DLG2: variants seen among roughly 807,000 people sequenced by gnomAD.
DLG2 encodes the protein disks large homolog 2.
Under a neutral mutation model 132.5 loss-of-function variants are expected in DLG2, and 45 were observed. The ratio of observed to expected loss-of-function variants is 0.34; its 90% CI spans 0.27 to 0.44. The LOEUF (loss-of-function observed/expected upper bound fraction) is 0.44, where lower values mean the gene tolerates loss of function less well. Among genes scored for constraint, DLG2 ranks in the 20% least tolerant of loss-of-function variants. The probability of loss-of-function intolerance (pLI) is 1.00; values close to 1 mark genes in which losing one functional copy is unlikely to be tolerated. For missense variants in DLG2, 1,045 were observed against 1,196.9 expected, an observed-to-expected ratio of 0.87 and a Z score of 1.87; for synonymous variants, 424 against 419.6, an observed-to-expected ratio of 1.01 and a Z score of -0.13.
In DLG2 at chr11:85,459,385, T is replaced by C. The variant is rs183616391; in HGVS notation, c.40+139272A>G. On this transcript the variant is annotated intron_variant, in intron 3 of 27. Coordinates refer to ENST00000376104, the MANE Select transcript of DLG2 (RefSeq NM_001142699.3). ...TTCTCTCCATATGGTGACTGTGGTG[T>C]ATTGGAAGCTCAGGTGAAGCCCTCA... 1.9e-3 allele frequency among the ~76,000 whole-genome samples: 288 copies of C among 152,092 alleles called. 1 individual carries two copies. The highest frequency in any genetic ancestry group is 2.7e-3 in the Non-Finnish European group (185 of 67,980).
chr11:83,796,161 G>GAGTGGATT (rs964201352), intron 17 of DLG2, among the ~76,000 whole-genome samples: 2 of 152,218 alleles, frequency 1.3e-5, no homozygotes, highest in African/African-American at 4.8e-5. Context: ...GTGAGTGGAT[G>GAGTGGATT]AGTGAATAAT....
intron 6 of DLG2, among the ~76,000 whole-genome samples, chr11:84,703,420 A>C: frequency 6.6e-6 from 1 of 151,490 alleles, no homozygotes; most frequent in East Asian, 2.0e-4. Context: ...GAAGATGATG[A>C]TTTCTACCAA....
At chr11:83,590,854 T>G (rs889953433) in intron 19 of DLG2, among the ~76,000 whole-genome samples, 9 of 151,956 alleles carry the variant, frequency 5.9e-5, no homozygotes, top group African/African-American at 2.2e-4. Flanking sequence ...CAGAGAATAC[T>G]ACAAACACCT....
intron 14 of DLG2, among the ~76,000 whole-genome samples, chr11:83,945,993 CTTTTTTT>C (rs765410972): frequency 2.8e-5 from 2 of 71,976 alleles, no homozygotes; most frequent in East Asian, 1.2e-3. Flanking sequence ...CTCTCTCTCT[CTTTTTTT>C]TTTTTTTTTG....
In DLG2 at chr11:85,555,288, TGGTTTCAC is replaced by T. The variant is rs2076878904; in HGVS notation, c.40+43361_40+43368del. ...CTCCAGAAAAAACATCATGCACACA[TGGTTTCAC>T]AAAAACTTTTACTGCACCTTCAGAC... On this transcript the variant is annotated intron_variant, in intron 3 of 27. Coordinates refer to ENST00000376104, the MANE Select transcript of DLG2 (RefSeq NM_001142699.3). Among the ~76,000 whole-genome samples, 3 of 151,668 alleles carry T rather than the reference TGGTTTCAC, an allele frequency of 2.0e-5. No individual in the cohort carries two copies. The South Asian group carries it at 6.2e-4, about 31-fold the overall frequency.
intron 15 of DLG2, among the ~76,000 whole-genome samples, chr11:83,898,606 T>C (rs1253268936): frequency 6.6e-6 from 1 of 152,164 alleles, no homozygotes; most frequent in East Asian, 1.9e-4. Flanking sequence ...TGAGATATTA[T>C]TTAAAAAATA....
intron 6 of DLG2, among the ~76,000 whole-genome samples, chr11:84,617,900 T>C (rs930374806): frequency 6.6e-6 from 1 of 151,930 alleles, no homozygotes; most frequent in African/African-American, 2.4e-5. Context: ...ATTTAAAAAA[T>C]AGGTAAAAAC....
At chr11:83,538,292 G>A (rs909733702) in intron 20 of DLG2, among the ~76,000 whole-genome samples, 4 of 152,162 alleles carry the variant, frequency 2.6e-5, no homozygotes, top group African/African-American at 7.2e-5. Flanking sequence ...CTAGGTGGGA[G>A]CAAGACATGG....
At chr11:83,866,810 G>A (rs1472724632) in intron 16 of DLG2, among the ~76,000 whole-genome samples, 1 of 152,076 alleles carries the variant, frequency 6.6e-6, no homozygotes, top group Non-Finnish European at 1.5e-5. Context: ...GCCCTACAAG[G>A]TCAATACTAC....
intron 6 of DLG2, among the ~76,000 whole-genome samples, chr11:84,635,502 TTAAA>T (rs1209091369): frequency 6.6e-6 from 1 of 152,216 alleles, no homozygotes; most frequent in Non-Finnish European, 1.5e-5. Flanking sequence ...TACATATGTG[TTAAA>T]TAGTTTATTT....
At chr11:85,119,384 T>C (rs1338395798) in intron 5 of DLG2, among the ~76,000 whole-genome samples, 1 of 152,034 alleles carries the variant, frequency 6.6e-6, no homozygotes, top group African/African-American at 2.4e-5. Context: ...GTTTGAGTTA[T>C]TACTATGCAT....
intron 4 of DLG2, among the ~76,000 whole-genome samples, chr11:85,191,528 A>G (rs1445998656): frequency 6.6e-6 from 1 of 152,204 alleles, no homozygotes. Flanking sequence ...CGCTCTCAGA[A>G]GAATTCATGC....
intron 5 of DLG2, among the ~76,000 whole-genome samples, chr11:85,137,747 C>A (rs2076219612): frequency 6.6e-6 from 1 of 152,096 alleles, no homozygotes; most frequent in Non-Finnish European, 1.5e-5. Flanking sequence ...GCCTCCTATC[C>A]CTGTCTATCT....
intron 18 of DLG2, among the ~76,000 whole-genome samples, chr11:83,642,234 T>C (rs1309092606): frequency 1.3e-5 from 2 of 152,218 alleles, no homozygotes; most frequent in African/African-American, 4.8e-5. Context: ...CTTGCTGAAT[T>C]GGATGAGTTA....
At chr11:85,303,225 T>C (rs2079716227) in intron 3 of DLG2, among the ~76,000 whole-genome samples, 1 of 152,190 alleles carries the variant, frequency 6.6e-6, no homozygotes, top group African/African-American at 2.4e-5. Flanking sequence ...GCTCTGGAAC[T>C]AAAATGTATG....
At chr11:83,999,505 C>T (rs1169105281) in intron 11 of DLG2, among the ~76,000 whole-genome samples, 1 of 152,144 alleles carries the variant, frequency 6.6e-6, no homozygotes, top group Non-Finnish European at 1.5e-5. Context: ...ACCTGCCTGG[C>T]TCACTGCTGC....
At chr11:84,072,681 T>C (rs1444122321) in intron 10 of DLG2, among the ~76,000 whole-genome samples, 1 of 152,172 alleles carries the variant, frequency 6.6e-6, no homozygotes, top group Admixed American at 6.5e-5. Flanking sequence ...GTTAAATAAT[T>C]TGGACTTGAA....
At chr11:85,284,921 C>A (rs2078461074) in intron 4 of DLG2, among the ~76,000 whole-genome samples, 3 of 151,880 alleles carry the variant, frequency 2.0e-5, no homozygotes, top group Admixed American at 6.6e-5. Flanking sequence ...CCTTCCCCTA[C>A]AGCACAGGTA....
chr11:84,394,814 G>T (rs970136863), intron 7 of DLG2, among the ~76,000 whole-genome samples: 7 of 152,050 alleles, frequency 4.6e-5, no homozygotes, highest in African/African-American at 1.7e-4. Context: ...TAGAGATGGG[G>T]TTTCACCCAG....
Sources: gnomAD v4.1 joint callset for allele counts (sites outside exome capture counted in the v4.1 genomes callset) on GRCh38, gnomAD v4.1.1 for gene constraint, MANE v1.5 for transcripts, NCBI Gene and HGNC (gene_info 2026-07-23, HGNC 2026-07-21) for gene names.